Variants in PSMC3IP observed in about 807,000 individuals in gnomAD.
The protein encoded by PSMC3IP is homologous-pairing protein 2 homolog.
PSMC3IP carries 26 observed loss-of-function variants against 34.9 expected under a neutral mutation model. That is an observed-to-expected ratio of 0.74 (90% CI 0.55 to 1.03). The LOEUF (loss-of-function observed/expected upper bound fraction) is 1.03, where lower values mean the gene tolerates loss of function less well. Ranked by LOEUF, PSMC3IP falls within the 50% of genes least tolerant of loss-of-function variation. The pLI, the probability that PSMC3IP is intolerant of heterozygous loss-of-function variation, is 0.00. For synonymous variants in PSMC3IP, 87 were observed against 96.5 expected, an observed-to-expected ratio of 0.90 and a Z score of 0.57; for missense variants, 250 against 263.1, an observed-to-expected ratio of 0.95 and a Z score of 0.34.
Position 42,572,609 on chromosome 17 carries a change from T to C in PSMC3IP, c.*359A>G. Reference sequence around the variant, plus strand: ...TACCCTAGTTCTCCAAATTCACTTCTGCCTTCCTCAGGTTTGATATCTGGC... The same window carrying C: ...TACCCTAGTTCTCCAAATTCACTTCCGCCTTCCTCAGGTTTGATATCTGGC... On this transcript the variant is annotated 3_prime_UTR_variant, in exon 8 of 8. Coordinates refer to ENST00000393795, the MANE Select transcript of PSMC3IP (RefSeq NM_016556.4). The C allele has an allele frequency of 2.2e-6, 1 of 452,148 alleles. No homozygotes were observed. Among genetic ancestry groups the C allele is most frequent in the South Asian group, 1.6e-5 (1 of 63,530 alleles). 28.0% of individuals were successfully genotyped at this position (452,148 alleles called of 1,614,324 possible). A position where few individuals can be genotyped will look rare whatever the true frequency, so the allele number is the denominator to read the frequency against.
chr17:42,574,102 C>T lies in PSMC3IP; in HGVS notation c.334G>A (p.Ala112Thr), dbSNP rs764540393. The T allele has an allele frequency of 5.0e-6, 8 of 1,614,050 alleles. No homozygotes were observed. The African/African-American group carries it at 5.3e-5, about 11-fold the overall frequency. Residue 112 changes from alanine (A) to threonine (T), a missense_variant, in exon 4 of 8, where the codon GCT (alanine) becomes ACT (threonine). Transcript: ENST00000393795. The part of the protein sequence containing the change: ...SLQQSCRYME[A>T]ELKELSSALT... Reference sequence around the variant, plus strand: ...TGGAGGGGCTACCCAGTCCTACCAGCCTCCATGTAGCGGCAGCTCTGCTGC... The same window carrying T: ...TGGAGGGGCTACCCAGTCCTACCAGTCTCCATGTAGCGGCAGCTCTGCTGC...
rs143255574 is a variant in PSMC3IP at position 42,573,677 on chromosome 17, C to T, written c.338-54G>A. 1.6e-5 allele frequency: 25 copies of T among 1,600,876 alleles called. No homozygotes were observed. The African/African-American group carries it at 3.1e-4, about 20-fold the overall frequency. ...GCTACCCCTGAGGAAGGAGTTCTGT[C>T]TTTCCCAGTGGGTGCTCCCTGAGGT... On this transcript the variant is annotated intron_variant, in intron 4 of 7. Coordinates refer to ENST00000393795, the MANE Select transcript of PSMC3IP (RefSeq NM_016556.4).
Position 42,572,853 on chromosome 17 carries a change from A to T in PSMC3IP, c.*115T>A. On this transcript the variant is annotated 3_prime_UTR_variant, in exon 8 of 8. Transcript: ENST00000393795. ...TGCTTGTCTCCTGACTGCTCTGCTT[A>T]AAGGTGAAAGTAGCAGGAACAACAA... 1.6e-6 allele frequency: 2 copies of T among 1,253,482 alleles called. No homozygotes were observed. Among genetic ancestry groups the T allele is most frequent in the Non-Finnish European group, 2.3e-6 (2 of 860,780 alleles). The allele number at this position is 1,253,482 out of a possible 1,614,324, so 77.6% of individuals were successfully genotyped here.
At chr17:42,573,648 A>C (rs762040228) in intron 4 of PSMC3IP, 25 bp from the exon 5 acceptor site, 1 of 1,612,750 alleles carries the variant, frequency 6.2e-7, no homozygotes, top group Admixed American at 1.7e-5. Context: ...GCCTGGGGTC[A>C]CTTGCTACCC....
intron 3 of PSMC3IP, among the ~76,000 whole-genome samples, chr17:42,574,718 TCCC>T (rs2093062889): frequency 5.0e-5 from 1 of 20,042 alleles, no homozygotes; most frequent in African/African-American, 5.7e-5. Flanking sequence ...CCTCCCTCCT[TCCC>T]CCTCCCTTTC....
At position 42,572,823 on chromosome 17, in the gene PSMC3IP, G is replaced by A. The variant is rs1477940949; in HGVS notation, c.*145C>T. 1 of 980,148 alleles carries A rather than the reference G, an allele frequency of 1.0e-6. No homozygotes were observed. Among genetic ancestry groups the A allele is most frequent in the South Asian group, 1.4e-5 (1 of 73,850 alleles). The allele number at this position is 980,148 out of a possible 1,614,324, so 60.7% of individuals were successfully genotyped here. The stretch of plus-strand genomic sequence containing the variant: ...CTCATCCTCTCTACCCAGTGCTCTG[G>A]TTTATGCTTGTCTCCTGACTGCTCT... On this transcript the variant is annotated 3_prime_UTR_variant, in exon 8 of 8. Transcript: ENST00000393795.
At chr17:42,576,019 T>TCAA (rs565806254) in intron 3 of PSMC3IP, among the ~76,000 whole-genome samples, 2,064 of 151,906 alleles carry the variant, frequency 0.014, 45 homozygotes, top group African/African-American at 0.047. Flanking sequence ...AGACTCCGTC[T>TCAA]CAACAACAAC....
chr17:42,572,800 CA>C lies in PSMC3IP; in HGVS notation c.*167del. 1 of 804,906 alleles carries C rather than the reference CA, an allele frequency of 1.2e-6. No individual in the cohort carries two copies. The allele number at this position is 804,906 out of a possible 1,614,324, so 49.9% of individuals were successfully genotyped here. ...GGGTCTACCCCCAGCCACCAGCCCT[CA>C]TCCTCTCTACCCAGTGCTCTGGTTT... On this transcript the variant is annotated 3_prime_UTR_variant, in exon 8 of 8. Transcript: ENST00000393795.
At position 42,572,775 on chromosome 17, in the gene PSMC3IP, G is replaced by A. The variant is rs761354602; in HGVS notation, c.*193C>T. ...TGCAATTTAGACAATGAAATGGGCTGGGTCTACCCCCAGCCACCAGCCCTC... is the reference window on the plus strand; with the variant it reads ...TGCAATTTAGACAATGAAATGGGCTAGGTCTACCCCCAGCCACCAGCCCTC... On this transcript the variant is annotated 3_prime_UTR_variant, in exon 8 of 8. Coordinates refer to ENST00000393795, the MANE Select transcript of PSMC3IP (RefSeq NM_016556.4). 9 of 708,518 alleles carry A rather than the reference G, an allele frequency of 1.3e-5. No homozygotes were observed. The highest frequency in any genetic ancestry group is 6.0e-5 in the South Asian group (4 of 67,206). 43.9% of individuals were successfully genotyped at this position (708,518 alleles called of 1,614,324 possible). A position where few individuals can be genotyped will look rare whatever the true frequency, so the allele number is the denominator to read the frequency against.
rs558114540 is a variant in PSMC3IP, at chr17:42,576,728, G to C, written c.225+485C>G. The C allele has an allele frequency of 2.5e-5, 5 of 199,740 alleles. No individual in the cohort carries two copies. In the South Asian group the frequency reaches 3.5e-4, roughly 14 times the overall value. 12.4% of individuals were successfully genotyped at this position (199,740 alleles called of 1,614,324 possible). A position where few individuals can be genotyped will look rare whatever the true frequency, so the allele number is the denominator to read the frequency against. ...AAGAATTGCTCCCAATTTCTGGTTT[G>C]GGTGAAGAGTAATTCCATTAGGGGA... On this transcript the variant is annotated intron_variant, in intron 3 of 7. Coordinates refer to ENST00000393795, the MANE Select transcript of PSMC3IP (RefSeq NM_016556.4).
At position 42,573,308 on chromosome 17, in the gene PSMC3IP, T is replaced by TA; in HGVS notation, c.537+2dup. The stretch of plus-strand genomic sequence containing the variant: ...GCCTGTCTCGGAGCTCCCACACACT[T>TA]ACCATCCTCTTCCTCTTCCTCCACT... On this transcript the variant is annotated splice_region_variant and intron_variant, in intron 6 of 7. Coordinates refer to ENST00000393795, the MANE Select transcript of PSMC3IP (RefSeq NM_016556.4). 8 of 1,614,106 alleles carry TA rather than the reference T, an allele frequency of 5.0e-6. No homozygotes were observed. Among genetic ancestry groups the TA allele is most frequent in the Admixed American group, 1.7e-5 (1 of 60,024 alleles).
At chr17:42,574,908 C>T (rs768054855) in intron 3 of PSMC3IP, among the ~76,000 whole-genome samples, 4 of 152,160 alleles carry the variant, frequency 2.6e-5, no homozygotes, top group Admixed American at 2.0e-4. Context: ...CGCGCACCAC[C>T]AAGCGCAGCT....
At position 42,572,564 on chromosome 17, in the gene PSMC3IP, G is replaced by A. The variant is rs555252817; in HGVS notation, c.*404C>T. On this transcript the variant is annotated 3_prime_UTR_variant, in exon 8 of 8. Transcript: ENST00000393795. ...GAAGCCGTGGGCCCTCCAAATGCTC[G>A]TTTTATAGCAACCTCTCTCTACCCT... 44 of 453,290 alleles carry A rather than the reference G, an allele frequency of 9.7e-5. No individual in the cohort carries two copies. The East Asian group carries it at 2.0e-3, about 21-fold the overall frequency. The allele number at this position is 453,290 out of a possible 1,614,324, so 28.1% of individuals were successfully genotyped here. A position where few individuals can be genotyped will look rare whatever the true frequency, so the allele number is the denominator to read the frequency against.
intron 4 of PSMC3IP, 81 bp downstream of exon 4, chr17:42,574,018 T>A: frequency 6.3e-7 from 1 of 1,581,122 alleles, no homozygotes; most frequent in Non-Finnish European, 8.6e-7. Flanking sequence ...GCTGCAGTCA[T>A]TGAACCATTC....
chr17:42,577,304 T>A lies in PSMC3IP; in HGVS notation c.136-2A>T, dbSNP rs2093081732. The A allele has an allele frequency of 6.2e-7, 1 of 1,613,902 alleles. No homozygotes were observed. Among genetic ancestry groups the A allele is most frequent in the African/African-American group, 1.3e-5 (1 of 74,888 alleles). ...CTGCTCCAGCGTCTTCACCACCACCTGGCAGAGGAGAGAGAAGGAGCAATC... is the reference window on the plus strand; with the variant it reads ...CTGCTCCAGCGTCTTCACCACCACCAGGCAGAGGAGAGAGAAGGAGCAATC... On this transcript the variant is annotated splice_acceptor_variant, in intron 2 of 7. Coordinates refer to ENST00000393795, the MANE Select transcript of PSMC3IP (RefSeq NM_016556.4). LOFTEE classifies it high-confidence loss of function.
chr17:42,573,211 G>C, intron 6 of PSMC3IP, 45 bp from the exon 7 acceptor site: 1 of 1,614,104 alleles, frequency 6.2e-7, no homozygotes, highest in Non-Finnish European at 8.5e-7. Flanking sequence ...GCAGCACTGG[G>C]CACTGCCTGT....
rs1438527761 is a variant in PSMC3IP, at chr17:42,577,692, T to G, written c.-6A>C. 2 of 1,613,912 alleles carry G rather than the reference T, an allele frequency of 1.2e-6. No homozygotes were observed. The highest frequency in any genetic ancestry group is 1.7e-5 in the Admixed American group (1 of 60,002). On this transcript the variant is annotated 5_prime_UTR_variant, in exon 1 of 8. Coordinates refer to ENST00000393795, the MANE Select transcript of PSMC3IP (RefSeq NM_016556.4). Reference sequence around the variant, plus strand: ...TCTGCCCGGCCTTTACTCATCGCCTTTCCCGCCACCCAACTCAGAAAGCCG... The same window carrying G: ...TCTGCCCGGCCTTTACTCATCGCCTGTCCCGCCACCCAACTCAGAAAGCCG...
intron 5 of PSMC3IP, 53 bp downstream of exon 5, chr17:42,573,425 G>C: frequency 6.2e-7 from 1 of 1,614,228 alleles, no homozygotes; most frequent in Non-Finnish European, 8.5e-7. Context: ...CTGGGGCTCA[G>C]CCCTGATGTT....
rs915845814 is a variant in PSMC3IP at position 42,572,746 on chromosome 17, C to G, written c.*222G>C. 6.0e-6 allele frequency: 4 copies of G among 666,950 alleles called. No homozygotes were observed. The African/African-American group carries it at 7.1e-5, about 12-fold the overall frequency. The allele number at this position is 666,950 out of a possible 1,614,324, so 41.3% of individuals were successfully genotyped here. On this transcript the variant is annotated 3_prime_UTR_variant, in exon 8 of 8. Coordinates refer to ENST00000393795, the MANE Select transcript of PSMC3IP (RefSeq NM_016556.4). ...TCCAAGTCTAAATGTTAACCTCAAG[C>G]TACTGCAATTTAGACAATGAAATGG... is the stretch of plus-strand genomic sequence containing the variant.
Sources: gnomAD v4.1 joint callset for allele counts (sites outside exome capture counted in the v4.1 genomes callset) on GRCh38, gnomAD v4.1.1 for gene constraint, MANE v1.5 for transcripts, NCBI Gene and HGNC (gene_info 2026-07-23, HGNC 2026-07-21) for gene names.